The following CDK13 variants were observed in gnomAD, a reference collection of about 807,000 sequenced individuals.
CDK13 encodes the protein cyclin-dependent kinase 13.
In CDK13, 40 loss-of-function variants were observed where a neutral mutation model predicts 137.6. The observed-to-expected ratio is 0.29, with a 90% CI of 0.23 to 0.38. CDK13 has a LOEUF of 0.38. Ranked by LOEUF, CDK13 falls within the 10% of genes least tolerant of loss-of-function variation. The probability of loss-of-function intolerance (pLI) is 1.00; values close to 1 mark genes in which losing one functional copy is unlikely to be tolerated. For synonymous variants in CDK13, 869 were observed against 760.1 expected, an observed-to-expected ratio of 1.14 and a Z score of -2.36; for missense variants, 1,704 against 1,951.8, an observed-to-expected ratio of 0.87 and a Z score of 2.39.
At chr7:40,031,672 A>G (rs1785382133) in intron 5 of CDK13, among the ~76,000 whole-genome samples, 1 of 151,564 alleles carries the variant, frequency 6.6e-6, no homozygotes, top group Non-Finnish European at 1.5e-5. Context: ...TGGAGACAGG[A>G]TCTCGCTCTG....
At chr7:40,051,053 G>A (rs1420061513) in intron 7 of CDK13, among the ~76,000 whole-genome samples, 1 of 152,062 alleles carries the variant, frequency 6.6e-6, no homozygotes, top group South Asian at 2.1e-4. Context: ...TGTTCACTGG[G>A]CCATGGTCCC....
chr7:39,988,038 A>G lies in CDK13; in HGVS notation c.1651A>G (p.Asn551Asp). The change falls in exon 2 of 14, where the codon AAT becomes GAT. Residue 551 changes from asparagine to aspartate, a missense_variant. This residue lies in a region of CDK13 where 1,051 missense variants were observed against 931.0 expected (regional missense o/e 1.13). Coordinates refer to ENST00000181839, the MANE Select transcript of CDK13 (RefSeq NM_003718.5). ...TCTTCAGGTAACGAAGGTGGAAAATAATTTGATTGTAGATAAAGCCACCAA... is the reference window on the plus strand; with the variant it reads ...TCTTCAGGTAACGAAGGTGGAAAATGATTTGATTGTAGATAAAGCCACCAA... ...PPLQVTKVEN[N>D]LIVDKATKKA... 6.2e-7 allele frequency: 1 copy of G among 1,614,204 alleles called. No individual in the cohort carries two copies. Among genetic ancestry groups the G allele is most frequent in the Non-Finnish European group, 8.5e-7 (1 of 1,180,022 alleles).
rs962447785 is a variant in CDK13 at position 40,095,922 on chromosome 7, T to G, written c.*942T>G. The G allele has an allele frequency of 2.6e-5, 4 of 152,178 alleles. No homozygotes were observed. Among genetic ancestry groups the G allele is most frequent in the African/African-American group, 9.7e-5 (4 of 41,442 alleles). The allele number at this position is 152,178 out of a possible 1,614,324, so 9.4% of individuals were successfully genotyped here. ...TGAGAGCAAAGAAAGGGAGTAGAAC[T>G]GCAATCAGTACATATTGTTTGAGAA... On this transcript the variant is annotated 3_prime_UTR_variant, in exon 14 of 14. Coordinates refer to ENST00000181839, the MANE Select transcript of CDK13 (RefSeq NM_003718.5).
intron 5 of CDK13, among the ~76,000 whole-genome samples, chr7:40,009,043 T>C (rs751111056): frequency 3.4e-4 from 52 of 152,184 alleles, no homozygotes; most frequent in Non-Finnish European, 5.6e-4. Context: ...GTAGGTTTTC[T>C]TTACTTGATG....
chr7:39,996,669 A>G (rs1171365486), intron 2 of CDK13, among the ~76,000 whole-genome samples: 5 of 152,106 alleles, frequency 3.3e-5, no homozygotes, highest in Non-Finnish European at 5.9e-5. Context: ...CTTACGGTAA[A>G]ATGTTTTGTG....
At chr7:40,085,438 A>G (rs1454246422) in intron 11 of CDK13, among the ~76,000 whole-genome samples, 4 of 152,080 alleles carry the variant, frequency 2.6e-5, no homozygotes, top group African/African-American at 9.7e-5. Context: ...GCCCTTTTTA[A>G]TGGATTACTT....
chr7:40,003,206 A>ACACTCTCTCTCTCTCTCTCTCT (rs374470130), intron 5 of CDK13, among the ~76,000 whole-genome samples: 1 of 79,862 alleles, frequency 1.3e-5, no homozygotes, highest in African/African-American at 4.8e-5. Context: ...ACACACACAC[A>ACACTCTCTCTCTCTCTCTCTCT]CTCTCTCTCT....
chr7:40,062,825 G>C lies in CDK13; in HGVS notation c.2601-1G>C. ...TAAAGACTGTTTTCTGTGTTTTTTA[G>C]TCGGCCGTATACTAACAAGGTAATT... is the stretch of plus-strand genomic sequence containing the variant. On this transcript the variant is annotated splice_acceptor_variant, in intron 7 of 13. Coordinates refer to ENST00000181839, the MANE Select transcript of CDK13 (RefSeq NM_003718.5). LOFTEE classifies it high-confidence loss of function. 1 of 1,605,806 alleles carries C rather than the reference G, an allele frequency of 6.2e-7. No homozygotes were observed. Among genetic ancestry groups the C allele is most frequent in the Non-Finnish European group, 8.5e-7 (1 of 1,173,050 alleles).
At chr7:40,025,675 T>C (rs1195351290) in intron 5 of CDK13, among the ~76,000 whole-genome samples, 2 of 152,232 alleles carry the variant, frequency 1.3e-5, no homozygotes, top group Non-Finnish European at 2.9e-5. Flanking sequence ...TTATAAATAG[T>C]GCTACCTTGC....
At chr7:40,080,829 G>C (rs1285721910) in intron 11 of CDK13, among the ~76,000 whole-genome samples, 1 of 151,986 alleles carries the variant, frequency 6.6e-6, no homozygotes, top group Admixed American at 6.6e-5. Context: ...TGAACTAGTT[G>C]GATATCATGT....
intron 9 of CDK13, chr7:40,070,769 A>T (rs1319472809): frequency 1.3e-5 from 2 of 152,042 alleles, no homozygotes; most frequent in Non-Finnish European, 2.9e-5. Context: ...ACACATTGGG[A>T]CAAAATGGGA....
intron 5 of CDK13, among the ~76,000 whole-genome samples, chr7:40,017,024 G>A (rs1345028634): frequency 6.6e-6 from 1 of 151,968 alleles, no homozygotes; most frequent in African/African-American, 2.4e-5. Flanking sequence ...CAAATTTTTT[G>A]TGCAAAACAA....
intron 6 of CDK13, among the ~76,000 whole-genome samples, chr7:40,046,329 GTTTAC>G (rs774430891): frequency 6.6e-6 from 1 of 152,088 alleles, no homozygotes; most frequent in African/African-American, 2.4e-5. Flanking sequence ...TTAAAATTTA[GTTTAC>G]TTTATACAAA....
At chr7:39,992,581 T>C (rs574586715) in intron 2 of CDK13, among the ~76,000 whole-genome samples, 1 of 151,806 alleles carries the variant, frequency 6.6e-6, no homozygotes, top group African/African-American at 2.4e-5. Flanking sequence ...CACAGTATCA[T>C]TGTGATAACA....
chr7:40,006,935 ATTC>A (rs146045293), intron 5 of CDK13, among the ~76,000 whole-genome samples: 74,194 of 151,698 alleles, frequency 0.49, 19,116 homozygotes, highest in East Asian at 0.66. Flanking sequence ...ACACATTAAC[ATTC>A]TTCTTTTTCC....
chr7:39,952,161 T>G, intron 1 of CDK13: 2 of 276,878 alleles, frequency 7.2e-6, no homozygotes, highest in South Asian at 1.7e-4. Flanking sequence ...AGTTGCTCTT[T>G]GCTTTTCTGG....
At chr7:40,001,363 G>A (rs889118963) in intron 4 of CDK13, among the ~76,000 whole-genome samples, 1 of 151,938 alleles carries the variant, frequency 6.6e-6, no homozygotes, top group African/African-American at 2.4e-5. Flanking sequence ...AGGTAGCTGA[G>A]GTTACAGGCG....
chr7:40,058,520 C>T (rs867682168), intron 7 of CDK13, among the ~76,000 whole-genome samples: 10 of 130,568 alleles, frequency 7.7e-5, no homozygotes, highest in African/African-American at 2.7e-4. Context: ...GGCAACAGAG[C>T]GAGACTCTGT....
chr7:39,999,937 C>T (rs1262650366), intron 4 of CDK13, among the ~76,000 whole-genome samples: 1 of 152,130 alleles, frequency 6.6e-6, no homozygotes, highest in Admixed American at 6.5e-5. Context: ...GCAGCTTAAT[C>T]TTTCAGAACA....
Sources: allele counts gnomAD v4.1 joint callset (sites outside exome capture counted in the v4.1 genomes callset), GRCh38; gene constraint gnomAD v4.1.1; regional missense constraint gnomAD v4.1.1; transcripts MANE v1.5; gene names NCBI Gene and HGNC (gene_info 2026-07-23, HGNC 2026-07-21).